Variants in SLC8A1 observed in about 807,000 individuals in gnomAD.
SLC8A1 encodes the protein solute carrier family 8 member A1.
SLC8A1 carries 18 observed loss-of-function variants against 68.3 expected under a neutral mutation model. The ratio of observed to expected loss-of-function variants is 0.26; its 90% CI spans 0.18 to 0.39. SLC8A1 has a LOEUF of 0.39. SLC8A1 is among the 10% of genes least tolerant of loss of function. The pLI, the probability that SLC8A1 is intolerant of heterozygous loss-of-function variation, is 1.00. For synonymous variants in SLC8A1, 475 were observed against 415.5 expected (o/e 1.14, Z -1.74); for missense variants, 985 against 1,156.7 (o/e 0.85, Z 2.15).
chr2:40,329,667 A>G (rs913745163), intron 2 of SLC8A1, among the ~76,000 whole-genome samples: 2 of 152,172 alleles, frequency 1.3e-5, no homozygotes, highest in Non-Finnish European at 2.9e-5. Context: ...TCCCTTAGCA[A>G]GGATAGGGTG....
At chr2:40,164,355 G>T (rs1373150553) in intron 5 of SLC8A1, among the ~76,000 whole-genome samples, 2 of 152,218 alleles carry the variant, frequency 1.3e-5, no homozygotes, top group Non-Finnish European at 2.9e-5. Context: ...GTACTAAAAT[G>T]TCCTTGGATC....
At chr2:40,107,335 C>A (rs1331749022) in exon 8 of SLC8A1, 1 of 149,132 alleles carries the variant, frequency 6.7e-6, no homozygotes, top group African/African-American at 2.5e-5. Flanking sequence ...GGGAACCTGC[C>A]TGCTCAGTGC....
rs185629708 is a variant in SLC8A1, at chr2:40,298,678, G to A, written c.1809-120823C>T. 2.6e-5 allele frequency among the ~76,000 whole-genome samples: 4 copies of A among 152,112 alleles called. No homozygotes were observed. In the South Asian group the frequency reaches 6.2e-4, roughly 24 times the overall value. On this transcript the variant is annotated intron_variant, in intron 2 of 7. Coordinates refer to ENST00000406785, the Ensembl canonical transcript of SLC8A1. ...GTTTTAACACTATGTTCAAGTTTTC[G>A]CTAACTTGTAAAATGGTAACATACG...
intron 2 of SLC8A1, chr2:40,251,567 CTCA>C (rs1327806327): frequency 2.6e-5 from 4 of 152,150 alleles, no homozygotes; most frequent in African/African-American, 7.2e-5. Context: ...TGTGCATTGT[CTCA>C]TGATTATTTT....
chr2:40,159,013 T>C (rs1306845309), intron 6 of SLC8A1, among the ~76,000 whole-genome samples: 1 of 152,178 alleles, frequency 6.6e-6, no homozygotes, highest in African/African-American at 2.4e-5. Flanking sequence ...GGTCATAAAA[T>C]GTTTCCTTGT....
intron 2 of SLC8A1, among the ~76,000 whole-genome samples, chr2:40,394,589 A>G (rs1022069609): frequency 1.3e-5 from 2 of 151,942 alleles, no homozygotes; most frequent in Non-Finnish European, 2.9e-5. Context: ...TGCCTACTAC[A>G]TATTTATTGA....
intron 2 of SLC8A1, among the ~76,000 whole-genome samples, chr2:40,420,370 AAAC>A: frequency 1.4e-5 from 2 of 145,958 alleles, no homozygotes; most frequent in African/African-American, 5.1e-5. Context: ...TAAAAAAAAA[AAAC>A]AGACCAAGAA....
intron 2 of SLC8A1, among the ~76,000 whole-genome samples, chr2:40,296,280 G>T (rs2070365264): frequency 6.6e-6 from 1 of 152,112 alleles, no homozygotes; most frequent in African/African-American, 2.4e-5. Flanking sequence ...AGAGGGAAAT[G>T]ACTAGGTCTC....
intron 2 of SLC8A1, among the ~76,000 whole-genome samples, chr2:40,420,519 G>A (rs1345362617): frequency 1.3e-5 from 2 of 152,066 alleles, no homozygotes; most frequent in Non-Finnish European, 2.9e-5. Flanking sequence ...AGGAACATAG[G>A]GAAATAAATA....
intron 2 of SLC8A1, among the ~76,000 whole-genome samples, chr2:40,357,640 T>C (rs1273777915): frequency 6.6e-6 from 1 of 152,030 alleles, no homozygotes; most frequent in Non-Finnish European, 1.5e-5. Flanking sequence ...AACAAACCTA[T>C]GTAACAAACC....
intron 2 of SLC8A1, among the ~76,000 whole-genome samples, chr2:40,419,098 T>C (rs1254460184): frequency 6.6e-6 from 1 of 152,226 alleles, no homozygotes; most frequent in Non-Finnish European, 1.5e-5. Context: ...AGGTTTTCTA[T>C]GGCAGAGGCT....
intron 2 of SLC8A1, among the ~76,000 whole-genome samples, chr2:40,393,463 C>G (rs1685948771): frequency 6.6e-6 from 1 of 152,088 alleles, no homozygotes; most frequent in African/African-American, 2.4e-5. Flanking sequence ...AAATGATTTT[C>G]TGTCATCCCT....
intron 2 of SLC8A1, among the ~76,000 whole-genome samples, chr2:40,423,936 A>T (rs1023102430): frequency 1.7e-4 from 26 of 152,094 alleles, no homozygotes; most frequent in Admixed American, 1.6e-3. Flanking sequence ...TCTGTTCTGA[A>T]AAGATAATCC....
At chr2:40,385,401 T>G (rs1273715500) in intron 2 of SLC8A1, among the ~76,000 whole-genome samples, 2 of 150,466 alleles carry the variant, frequency 1.3e-5, no homozygotes, top group Non-Finnish European at 2.9e-5. Flanking sequence ...TTTCCTACCT[T>G]TCTCTTTTAA....
intron 2 of SLC8A1, chr2:40,190,005 T>C (rs1477646502): frequency 1.3e-5 from 2 of 152,210 alleles, no homozygotes; most frequent in African/African-American, 4.8e-5. Flanking sequence ...CGGTCATTAC[T>C]AACCTTTTGG....
intron 2 of SLC8A1, among the ~76,000 whole-genome samples, chr2:40,316,083 TC>T (rs2074408956): frequency 6.6e-6 from 1 of 152,078 alleles, no homozygotes; most frequent in African/African-American, 2.4e-5. Flanking sequence ...TGAATGTCTG[TC>T]TGTCGACAAG....
chr2:40,277,357 T>C (rs2066854303), intron 2 of SLC8A1, among the ~76,000 whole-genome samples: 1 of 152,034 alleles, frequency 6.6e-6, no homozygotes, highest in Non-Finnish European at 1.5e-5. Flanking sequence ...CTGGCCAACC[T>C]GGTGAAAAAC....
At chr2:40,469,563 G>C (rs1179030769) in intron 1 of SLC8A1, among the ~76,000 whole-genome samples, 1 of 151,966 alleles carries the variant, frequency 6.6e-6, no homozygotes, top group East Asian at 1.9e-4. Flanking sequence ...ACAAAACAAT[G>C]TTTATAAATA....
chr2:40,233,131 G>T (rs1341511510), intron 2 of SLC8A1, among the ~76,000 whole-genome samples: 1 of 152,076 alleles, frequency 6.6e-6, no homozygotes, highest in Non-Finnish European at 1.5e-5. Context: ...GGATGGCTGG[G>T]TCAAATGGTG....
Sources: gnomAD v4.1 joint callset for allele counts (sites outside exome capture counted in the v4.1 genomes callset) on GRCh38, gnomAD v4.1.1 for gene constraint, MANE v1.5 for transcripts, NCBI Gene and HGNC (gene_info 2026-07-23, HGNC 2026-07-21) for gene names.